Variants in GABRB3 observed in about 807,000 individuals in gnomAD.
GABRB3 encodes gamma-aminobutyric acid receptor subunit beta-3.
Under a neutral mutation model 52.1 loss-of-function variants are expected in GABRB3, and 14 were observed. That is an observed-to-expected ratio of 0.27 (90% CI 0.18 to 0.42). The LOEUF (loss-of-function observed/expected upper bound fraction) is 0.42. Ranked by LOEUF, GABRB3 falls within the 10% of genes least tolerant of loss-of-function variation. The pLI is 1.00. For synonymous variants in GABRB3, 260 were observed against 232.3 expected (o/e 1.12, Z -1.08); for missense variants, 307 against 609.1 (o/e 0.50, Z 5.22).
At chr15:26,664,949 C>G (rs1466222886) in intron 3 of GABRB3, among the ~76,000 whole-genome samples, 2 of 152,000 alleles carry the variant, frequency 1.3e-5, no homozygotes, top group Non-Finnish European at 2.9e-5. Context: ...ATCCACCCAC[C>G]TTGGCCTCCC....
At chr15:26,581,504 A>C (rs987567359) in intron 5 of GABRB3, among the ~76,000 whole-genome samples, 1 of 152,202 alleles carries the variant, frequency 6.6e-6, no homozygotes, top group South Asian at 2.1e-4. Flanking sequence ...CTTCCTAGTG[A>C]AATTATTAAT....
At chr15:26,572,023 C>A (rs1028303436) in intron 6 of GABRB3, among the ~76,000 whole-genome samples, 3 of 139,146 alleles carry the variant, frequency 2.2e-5, no homozygotes, top group Admixed American at 7.9e-5. Context: ...TCCAGCCTGG[C>A]GACAGAGCGA....
At chr15:26,626,332 A>T (rs1392412262) in intron 3 of GABRB3, among the ~76,000 whole-genome samples, 1 of 152,108 alleles carries the variant, frequency 6.6e-6, no homozygotes, top group Non-Finnish European at 1.5e-5. Flanking sequence ...GAGACACAAC[A>T]ATATCAACAT....
At chr15:26,766,780 T>A (rs771319294) in intron 3 of GABRB3, among the ~76,000 whole-genome samples, 1 of 151,490 alleles carries the variant, frequency 6.6e-6, no homozygotes, top group Non-Finnish European at 1.5e-5. Context: ...AATAAGCAGA[T>A]TTGCCCCATC....
intron 3 of GABRB3, among the ~76,000 whole-genome samples, chr15:26,655,715 C>A (rs1595511714): frequency 6.7e-6 from 1 of 149,420 alleles, no homozygotes; most frequent in Middle Eastern, 3.7e-3. Context: ...GCACTCCAGC[C>A]TGGGTGACAC....
At chr15:26,551,394 C>T (rs773796900) in intron 8 of GABRB3, among the ~76,000 whole-genome samples, 1 of 152,148 alleles carries the variant, frequency 6.6e-6, no homozygotes, top group Non-Finnish European at 1.5e-5. Context: ...TGCCTGAAGC[C>T]CGTGAATAAC....
chr15:26,721,022 A>G (rs1044342885), intron 3 of GABRB3, among the ~76,000 whole-genome samples: 1 of 152,074 alleles, frequency 6.6e-6, no homozygotes, highest in Non-Finnish European at 1.5e-5. Context: ...CTCAGTAAAC[A>G]CTTCATTCTG....
intron 3 of GABRB3, among the ~76,000 whole-genome samples, chr15:26,705,400 A>G (rs1889066633): frequency 6.6e-6 from 1 of 152,196 alleles, no homozygotes; most frequent in Admixed American, 6.5e-5. Flanking sequence ...CCACAGCAAC[A>G]TCGTATTGGG....
intron 4 of GABRB3, among the ~76,000 whole-genome samples, chr15:26,587,028 A>G (rs1891017405): frequency 6.6e-6 from 1 of 152,188 alleles, no homozygotes; most frequent in African/African-American, 2.4e-5. Context: ...CAAATTGCTA[A>G]GTAAACTTCA....
At chr15:26,703,349 G>T (rs1321042446) in intron 3 of GABRB3, among the ~76,000 whole-genome samples, 1 of 152,126 alleles carries the variant, frequency 6.6e-6, no homozygotes, top group South Asian at 2.1e-4. Flanking sequence ...AAGGACCCCT[G>T]ATCCCATTTG....
intron 3 of GABRB3, among the ~76,000 whole-genome samples, chr15:26,662,993 A>C (rs1231416422): frequency 1.3e-5 from 2 of 152,174 alleles, no homozygotes; most frequent in African/African-American, 2.4e-5. Context: ...ACAATATCAA[A>C]AACTAGGAAA....
chr15:26,557,146 A>G (rs1432886520), intron 8 of GABRB3, among the ~76,000 whole-genome samples: 4 of 152,172 alleles, frequency 2.6e-5, no homozygotes, highest in African/African-American at 9.7e-5. Flanking sequence ...GAGCTGGAGG[A>G]CATTATCCTA....
At chr15:26,729,721 C>T (rs1889860364) in intron 3 of GABRB3, among the ~76,000 whole-genome samples, 1 of 152,144 alleles carries the variant, frequency 6.6e-6, no homozygotes, top group African/African-American at 2.4e-5. Flanking sequence ...TCCCTATGCC[C>T]CCAGCAGGCT....
chr15:26,733,271 C>T (rs929564533), intron 3 of GABRB3, among the ~76,000 whole-genome samples: 1 of 152,138 alleles, frequency 6.6e-6, no homozygotes, highest in Non-Finnish European at 1.5e-5. Flanking sequence ...CACACATACA[C>T]ACACACAAAT....
At position 26,580,085 on chromosome 15, in the gene GABRB3, C is replaced by G. The variant is rs536437789; in HGVS notation, c.682+234G>C. 4.6e-5 allele frequency among the ~76,000 whole-genome samples: 7 copies of G among 152,332 alleles called. No individual in the cohort carries two copies. The South Asian group carries it at 1.4e-3, about 32-fold the overall frequency. Reference sequence around the variant, plus strand: ...TTGATTGGTGAAATTCATCCTCGGTCTTTTCAATAACCAGTCCCAGAGAGC... The same window carrying G: ...TTGATTGGTGAAATTCATCCTCGGTGTTTTCAATAACCAGTCCCAGAGAGC... On this transcript the variant is annotated intron_variant, in intron 6 of 8. Transcript: ENST00000311550.
chr15:26,660,227 C>T (rs1361476424), intron 3 of GABRB3, among the ~76,000 whole-genome samples: 1 of 147,612 alleles, frequency 6.8e-6, no homozygotes, highest in Non-Finnish European at 1.5e-5. Context: ...AAGACTCCAT[C>T]TCGGAAAAAA....
chr15:26,590,587 C>T (rs1269401650), intron 4 of GABRB3, among the ~76,000 whole-genome samples: 1 of 152,196 alleles, frequency 6.6e-6, no homozygotes, highest in Non-Finnish European at 1.5e-5. Flanking sequence ...TGAGCAAATG[C>T]TTGTTATTCA....
chr15:26,735,827 T>G (rs930930068), intron 3 of GABRB3, among the ~76,000 whole-genome samples: 1 of 151,960 alleles, frequency 6.6e-6, no homozygotes, highest in African/African-American at 2.4e-5. Flanking sequence ...TGGTGGCACA[T>G]GACTGTGGTC....
intron 4 of GABRB3, among the ~76,000 whole-genome samples, chr15:26,594,315 T>G (rs1410626147): frequency 6.6e-6 from 1 of 152,072 alleles, no homozygotes; most frequent in East Asian, 2.0e-4. Context: ...ATCATTATAA[T>G]GCGGTCACTC....
Sources: gnomAD v4.1 joint callset for allele counts (sites outside exome capture counted in the v4.1 genomes callset) on GRCh38, gnomAD v4.1.1 for gene constraint, MANE v1.5 for transcripts, NCBI Gene and HGNC (gene_info 2026-07-23, HGNC 2026-07-21) for gene names.